Variants in RASA1 observed in about 807,000 individuals in gnomAD.
The protein encoded by RASA1 is ras GTPase-activating protein 1.
Under a neutral mutation model 132.2 loss-of-function variants are expected in RASA1, and 25 were observed. The ratio of observed to expected loss-of-function variants is 0.19; its 90% CI spans 0.14 to 0.26. RASA1 has a LOEUF of 0.26. Ranked by LOEUF, RASA1 falls within the 10% of genes least tolerant of loss-of-function variation. The pLI is 1.00. For missense variants in RASA1, 964 were observed against 1,299.2 expected (o/e 0.74, Z 3.97); for synonymous variants, 477 against 449.9 (o/e 1.06, Z -0.76).
At chr5:87,322,519 T>C (rs1580258480) in intron 1 of RASA1, among the ~76,000 whole-genome samples, 1 of 152,200 alleles carries the variant, frequency 6.6e-6, no homozygotes, top group South Asian at 2.1e-4. Context: ...GGACTACTGG[T>C]TTAAAGGAGC....
At chr5:87,350,131 A>G (rs1759152477) in intron 8 of RASA1, among the ~76,000 whole-genome samples, 2 of 151,882 alleles carry the variant, frequency 1.3e-5, no homozygotes. Flanking sequence ...ATTTGAGTGA[A>G]TAGAGATTCT....
chr5:87,321,207 A>T (rs951294281), intron 1 of RASA1, among the ~76,000 whole-genome samples: 1 of 152,192 alleles, frequency 6.6e-6, no homozygotes, highest in African/African-American at 2.4e-5. Flanking sequence ...GTCTAGGAAG[A>T]TAAGAAGTGT....
Position 87,338,536 on chromosome 5 carries a change from A to ATATATATATATATATTTTTTT in RASA1, c.1017+446_1017+447insATATATATATATATTTTTTTT. 7.0e-5 allele frequency among the ~76,000 whole-genome samples: 6 copies of ATATATATATATATATTTTTTT among 85,214 alleles called. No individual in the cohort carries two copies. The East Asian group carries it at 1.5e-3, about 21-fold the overall frequency. 55.9% of individuals were successfully genotyped at this position (85,214 alleles called of 152,430 possible). A position where few individuals can be genotyped will look rare whatever the true frequency, so the allele number is the denominator to read the frequency against. ...ATATATATATATATATATATATAAAATTTTTTTTTTTTTTAAGTAGAAATG... is the reference window on the plus strand; with the variant it reads ...ATATATATATATATATATATATAAAATATATATATATATATTTTTTTTTTTTTTTTTTTTTAAGTAGAAATG... On this transcript the variant is annotated intron_variant, in intron 5 of 24. Coordinates refer to ENST00000274376, the MANE Select transcript of RASA1 (RefSeq NM_002890.3).
At chr5:87,361,689 A>G (rs1760104931) in intron 9 of RASA1, among the ~76,000 whole-genome samples, 1 of 152,176 alleles carries the variant, frequency 6.6e-6, no homozygotes, top group African/African-American at 2.4e-5. Flanking sequence ...ATAATGTAAC[A>G]TATGCATTCC....
At chr5:87,280,307 C>G (rs1289448893) in intron 1 of RASA1, among the ~76,000 whole-genome samples, 1 of 151,988 alleles carries the variant, frequency 6.6e-6, no homozygotes, top group Non-Finnish European at 1.5e-5. Context: ...GTTGGAAAAT[C>G]TTTTTCTTTC....
intron 9 of RASA1, among the ~76,000 whole-genome samples, chr5:87,357,164 A>ATT (rs994726740): frequency 2.0e-5 from 3 of 149,926 alleles, no homozygotes; most frequent in Non-Finnish European, 3.0e-5. Flanking sequence ...TTTTTGAGTA[A>ATT]TTTTTTTTTT....
At chr5:87,367,693 C>T (rs962160355) in intron 11 of RASA1, among the ~76,000 whole-genome samples, 2 of 152,200 alleles carry the variant, frequency 1.3e-5, no homozygotes, top group Non-Finnish European at 2.9e-5. Flanking sequence ...TTTACACCAT[C>T]TTTTCATAGC....
At chr5:87,286,389 A>G (rs573602332) in intron 1 of RASA1, among the ~76,000 whole-genome samples, 48 of 152,088 alleles carry the variant, frequency 3.2e-4, no homozygotes, top group African/African-American at 1.1e-3. Flanking sequence ...CAGCCAATTG[A>G]TAACTCTTTA....
chr5:87,291,430 C>G (rs767675656), intron 1 of RASA1, among the ~76,000 whole-genome samples: 26 of 152,078 alleles, frequency 1.7e-4, no homozygotes, highest in Non-Finnish European at 3.2e-4. Flanking sequence ...ACTCAGGAGA[C>G]CGAGTGGGGA....
intron 1 of RASA1, among the ~76,000 whole-genome samples, chr5:87,295,455 G>T (rs1755076951): frequency 6.6e-6 from 1 of 150,778 alleles, no homozygotes; most frequent in African/African-American, 2.4e-5. Context: ...TATTTTATAT[G>T]ATTTCATTTT....
chr5:87,283,017 T>C (rs1754385868), intron 1 of RASA1, among the ~76,000 whole-genome samples: 1 of 152,090 alleles, frequency 6.6e-6, no homozygotes, highest in Non-Finnish European at 1.5e-5. Flanking sequence ...AAGTATGCAG[T>C]AAATTATTAT....
chr5:87,383,338 T>C (rs1761857216), intron 20 of RASA1, among the ~76,000 whole-genome samples: 1 of 152,126 alleles, frequency 6.6e-6, no homozygotes. Context: ...ACTCCTGTGG[T>C]ATTTCAGAAA....
intron 7 of RASA1, among the ~76,000 whole-genome samples, chr5:87,348,536 G>A (rs1285133501): frequency 6.6e-6 from 1 of 151,906 alleles, no homozygotes; most frequent in Admixed American, 6.6e-5. Context: ...AAAATATAGT[G>A]TATGTGTATT....
At chr5:87,289,949 G>T (rs528219296) in intron 1 of RASA1, among the ~76,000 whole-genome samples, 1 of 151,842 alleles carries the variant, frequency 6.6e-6, no homozygotes, top group Non-Finnish European at 1.5e-5. Flanking sequence ...TGTCCTTGTG[G>T]TTTCTATATT....
chr5:87,376,643 T>A, intron 16 of RASA1, 78 bp downstream of exon 16: 1 of 1,505,086 alleles, frequency 6.6e-7, no homozygotes, highest in African/African-American at 1.4e-5. Context: ...TCCATTAAGG[T>A]AAACATAGTA....
intron 1 of RASA1, among the ~76,000 whole-genome samples, chr5:87,275,311 G>A (rs1279936492): frequency 6.6e-6 from 1 of 152,090 alleles, no homozygotes; most frequent in Non-Finnish European, 1.5e-5. Context: ...TATTTGTATT[G>A]TTTTGGTTAT....
chr5:87,272,368 C>T (rs919435529), intron 1 of RASA1, among the ~76,000 whole-genome samples: 12 of 152,070 alleles, frequency 7.9e-5, no homozygotes, highest in African/African-American at 2.9e-4. Context: ...TAGTTATCAA[C>T]CCAGAGTCAC....
At position 87,338,536 on chromosome 5, in the gene RASA1, A is replaced by ATTTTTTTT. The variant is rs1232583853; in HGVS notation, c.1017+452_1017+459dup. Among the ~76,000 whole-genome samples the ATTTTTTTT allele has an allele frequency of 6.2e-4, 53 of 85,214 alleles. 1 individual carries two copies. The highest frequency in any genetic ancestry group is 2.2e-3 in the African/African-American group (49 of 22,620). The allele number at this position is 85,214 out of a possible 152,430, so 55.9% of individuals were successfully genotyped here. On this transcript the variant is annotated intron_variant, in intron 5 of 24. Transcript: ENST00000274376. ...ATATATATATATATATATATATAAA[A>ATTTTTTTT]TTTTTTTTTTTTTTAAGTAGAAATG...
chr5:87,313,436 C>G (rs949056957), intron 1 of RASA1, among the ~76,000 whole-genome samples: 7 of 152,088 alleles, frequency 4.6e-5, no homozygotes, highest in Non-Finnish European at 7.4e-5. Context: ...GAGTGAAAGT[C>G]ATTCTCCAGT....
Sources: gnomAD v4.1 joint callset for allele counts (sites outside exome capture counted in the v4.1 genomes callset) on GRCh38, gnomAD v4.1.1 for gene constraint, MANE v1.5 for transcripts, NCBI Gene and HGNC (gene_info 2026-07-23, HGNC 2026-07-21) for gene names.